NRXN3: variants seen among roughly 807,000 people sequenced by gnomAD.
NRXN3 encodes the protein neurexin 3, also known as neurexin III.
NRXN3 carries 32 observed loss-of-function variants against 137.6 expected under a neutral mutation model. The observed-to-expected ratio is 0.23, with a 90% CI of 0.18 to 0.31. The LOEUF (loss-of-function observed/expected upper bound fraction) is 0.31. Ranked by LOEUF, NRXN3 falls within the 10% of genes least tolerant of loss-of-function variation. The pLI is 1.00. For missense variants in NRXN3, 1,574 were observed against 2,062.5 expected, an observed-to-expected ratio of 0.76 and a Z score of 4.59; for synonymous variants, 798 against 784.5, an observed-to-expected ratio of 1.02 and a Z score of -0.29.
intron 15 of NRXN3, among the ~76,000 whole-genome samples, chr14:79,397,541 A>T (rs1328407917): frequency 6.6e-6 from 1 of 152,216 alleles, no homozygotes; most frequent in Non-Finnish European, 1.5e-5. Flanking sequence ...CATCACAGGT[A>T]GTCTAGTGTA....
intron 4 of NRXN3, among the ~76,000 whole-genome samples, chr14:78,626,308 T>A (rs967078990): frequency 1.3e-5 from 2 of 152,194 alleles, no homozygotes; most frequent in Admixed American, 6.5e-5. Flanking sequence ...AAAAGGCACC[T>A]GTGTCAATAT....
At chr14:79,337,747 G>GA (rs959798236) in intron 15 of NRXN3, among the ~76,000 whole-genome samples, 26 of 152,248 alleles carry the variant, frequency 1.7e-4, no homozygotes, top group African/African-American at 6.3e-4. Context: ...GGATGCCCAG[G>GA]AATCACTAGA....
chr14:78,404,548 A>G (rs1169029777), intron 4 of NRXN3, among the ~76,000 whole-genome samples: 1 of 152,122 alleles, frequency 6.6e-6, no homozygotes, highest in African/African-American at 2.4e-5. Context: ...GGAAACTATG[A>G]TGGGAAAAAC....
intron 4 of NRXN3, among the ~76,000 whole-genome samples, chr14:78,511,725 C>A (rs913609597): frequency 6.6e-6 from 1 of 152,174 alleles, no homozygotes; most frequent in African/African-American, 2.4e-5. Flanking sequence ...GATTTCCTAT[C>A]AGCTATTTAT....
chr14:79,016,670 C>T lies in NRXN3; in HGVS notation c.3262+28529C>T, dbSNP rs138422932. The stretch of plus-strand genomic sequence containing the variant: ...GGTACATAGAGCAGGAGGATTTAAC[C>T]TAATCTAGGGGATTTGGGGAGTTTT... On this transcript the variant is annotated intron_variant, in intron 15 of 20. Transcript: ENST00000335750. Among the ~76,000 whole-genome samples the T allele has an allele frequency of 6.1e-4, 93 of 152,286 alleles. 1 individual carries two copies. The highest frequency in any genetic ancestry group is 3.4e-3 in the Middle Eastern group (1 of 294).
At chr14:78,626,894 C>T (rs2097464767) in intron 4 of NRXN3, among the ~76,000 whole-genome samples, 1 of 152,208 alleles carries the variant, frequency 6.6e-6, no homozygotes, top group South Asian at 2.1e-4. Flanking sequence ...CATTGCATGC[C>T]ATAACTTCTC....
chr14:79,068,680 G>C (rs1011181274), intron 15 of NRXN3, among the ~76,000 whole-genome samples: 3 of 151,934 alleles, frequency 2.0e-5, no homozygotes, highest in Non-Finnish European at 4.4e-5. Context: ...TATAGTTGTG[G>C]TTTAAACAAC....
intron 4 of NRXN3, among the ~76,000 whole-genome samples, chr14:78,602,986 A>G (rs2097214320): frequency 6.6e-6 from 1 of 152,144 alleles, no homozygotes; most frequent in Non-Finnish European, 1.5e-5. Flanking sequence ...GTGGGGAGAC[A>G]TGGCAGCAAG....
chr14:78,276,011 G>A (rs1157003564), intron 2 of NRXN3, among the ~76,000 whole-genome samples: 2 of 152,200 alleles, frequency 1.3e-5, no homozygotes, highest in Non-Finnish European at 2.9e-5. Context: ...CCAGGGGCCA[G>A]GTGATAATGT....
chr14:79,421,751 G>T lies in NRXN3; in HGVS notation c.3263-45470G>T, dbSNP rs545897473. Among the ~76,000 whole-genome samples, 238 of 152,256 alleles carry T rather than the reference G, an allele frequency of 1.6e-3. 1 individual carries two copies. The highest frequency in any genetic ancestry group is 3.4e-3 in the Middle Eastern group (1 of 294). ...CAGGCAGGTGCAACATGGCATAAAA[G>T]TATTACTTGCCCCAATGCCACCTTT... On this transcript the variant is annotated intron_variant, in intron 15 of 20. Coordinates refer to ENST00000335750, the MANE Select transcript of NRXN3 (RefSeq NM_001330195.2).
At position 79,363,356 on chromosome 14, in the gene NRXN3, A is replaced by G. The variant is rs576093691; in HGVS notation, c.3263-103865A>G. Among the ~76,000 whole-genome samples the G allele has an allele frequency of 2.0e-3, 306 of 152,300 alleles. 2 individuals carry two copies. Among genetic ancestry groups the G allele is most frequent in the Non-Finnish European group, 3.6e-3 (248 of 68,024 alleles). ...CAGTGTGGCTCATTTAGATTGAAAT[A>G]TCTGTCAGAAGCTATATACCAGTTC... On this transcript the variant is annotated intron_variant, in intron 15 of 20. Coordinates refer to ENST00000335750, the MANE Select transcript of NRXN3 (RefSeq NM_001330195.2).
chr14:79,709,368 A>G (rs1376397610), intron 19 of NRXN3, among the ~76,000 whole-genome samples: 1 of 152,206 alleles, frequency 6.6e-6, no homozygotes, highest in Non-Finnish European at 1.5e-5. Context: ...TGGATACCCC[A>G]ACTAAGGATT....
intron 4 of NRXN3, among the ~76,000 whole-genome samples, chr14:78,374,313 C>T (rs928050450): frequency 2.0e-5 from 3 of 152,108 alleles, no homozygotes; most frequent in Admixed American, 1.3e-4. Flanking sequence ...TTGTTTATTA[C>T]TTAAAATAGG....
At chr14:79,586,080 C>T (rs137942347) in intron 16 of NRXN3, among the ~76,000 whole-genome samples, 66 of 152,286 alleles carry the variant, frequency 4.3e-4, no homozygotes, top group African/African-American at 1.5e-3. Context: ...TTTTCTTTTC[C>T]CCAGGCCCTG....
intron 15 of NRXN3, among the ~76,000 whole-genome samples, chr14:79,185,133 A>G (rs1373375009): frequency 6.6e-6 from 1 of 152,196 alleles, no homozygotes; most frequent in Non-Finnish European, 1.5e-5. Flanking sequence ...ATTTCTAATA[A>G]GCTATTTCTT....
At chr14:79,188,068 C>T (rs1280758131) in intron 15 of NRXN3, among the ~76,000 whole-genome samples, 1 of 152,202 alleles carries the variant, frequency 6.6e-6, no homozygotes, top group East Asian at 1.9e-4. Context: ...AAGTTCATTA[C>T]ACAGGTATCC....
rs542045487 is a variant in NRXN3 at position 79,054,053 on chromosome 14, C to T, written c.3262+65912C>T. Among the ~76,000 whole-genome samples, 16 of 150,010 alleles carry T rather than the reference C, an allele frequency of 1.1e-4. No homozygotes were observed. In the South Asian group the frequency reaches 1.7e-3, roughly 16 times the overall value. ...GAAACCATCATTCTCAGCAAACTAT[C>T]GCAAGGACAAAAAACCAAACACCGC... On this transcript the variant is annotated intron_variant, in intron 15 of 20. Transcript: ENST00000335750.
intron 4 of NRXN3, among the ~76,000 whole-genome samples, chr14:78,556,064 C>A (rs1255706561): frequency 1.3e-5 from 2 of 152,220 alleles, no homozygotes; most frequent in Non-Finnish European, 2.9e-5. Flanking sequence ...CAGACCAGCC[C>A]TGCCCCTGTT....
At chr14:79,616,437 G>A (rs953647283) in intron 16 of NRXN3, among the ~76,000 whole-genome samples, 6 of 152,154 alleles carry the variant, frequency 3.9e-5, no homozygotes, top group African/African-American at 1.4e-4. Flanking sequence ...CTTGAATTAG[G>A]AAGCAAGGAA....
Sources: allele counts gnomAD v4.1 joint callset (sites outside exome capture counted in the v4.1 genomes callset), GRCh38; gene constraint gnomAD v4.1.1; transcripts MANE v1.5; gene names NCBI Gene and HGNC (gene_info 2026-07-23, HGNC 2026-07-21).